The following KSR2 variants were observed in gnomAD, a reference collection of about 807,000 sequenced individuals.
KSR2 encodes the protein kinase suppressor of ras 2.
Under a neutral mutation model 107.8 loss-of-function variants are expected in KSR2, and 25 were observed. The ratio of observed to expected loss-of-function variants is 0.23; its 90% CI spans 0.17 to 0.32. The LOEUF is 0.32. KSR2 is among the 10% of genes least tolerant of loss of function. The pLI is 1.00. For synonymous variants in KSR2, 480 were observed against 507.0 expected (o/e 0.95, Z 0.71); for missense variants, 887 against 1,268.9 (o/e 0.70, Z 4.57).
intron 4 of KSR2, among the ~76,000 whole-genome samples, chr12:117,715,772 C>G (rs774526044): frequency 6.6e-6 from 1 of 152,170 alleles, no homozygotes; most frequent in African/African-American, 2.4e-5. Flanking sequence ...TACCCATCCA[C>G]CCATCCATCT....
At chr12:117,550,807 G>A (rs188899488) in intron 9 of KSR2, among the ~76,000 whole-genome samples, 178 of 148,938 alleles carry the variant, frequency 1.2e-3, no homozygotes, top group African/African-American at 4.2e-3. Flanking sequence ...CTAAGTCAGG[G>A]TCATGATGGA....
At chr12:117,558,717 G>A in intron 7 of KSR2, 144 bp from the exon 8 acceptor site, 2 of 535,904 alleles carry the variant, frequency 3.7e-6, no homozygotes, top group East Asian at 3.7e-5. Flanking sequence ...GGGATAGATG[G>A]GTGAGTAGAT....
intron 1 of KSR2, among the ~76,000 whole-genome samples, chr12:117,878,849 G>A (rs1893948143): frequency 6.6e-6 from 1 of 152,180 alleles, no homozygotes; most frequent in Non-Finnish European, 1.5e-5. Flanking sequence ...CCTCCCAACA[G>A]AGAGGCAACT....
chr12:117,499,390 T>G (rs1172993968), intron 14 of KSR2, among the ~76,000 whole-genome samples: 1 of 152,230 alleles, frequency 6.6e-6, no homozygotes. Flanking sequence ...GCATGTTCCT[T>G]TTGTAAATCG....
chr12:117,825,721 G>C (rs1241354517), intron 3 of KSR2, among the ~76,000 whole-genome samples: 1 of 152,022 alleles, frequency 6.6e-6, no homozygotes, highest in East Asian at 1.9e-4. Context: ...CAGGAGCTTT[G>C]CTCATCATTT....
chr12:117,885,093 CACA>C (rs1306198689), intron 1 of KSR2, among the ~76,000 whole-genome samples: 1 of 152,162 alleles, frequency 6.6e-6, no homozygotes, highest in Non-Finnish European at 1.5e-5. Flanking sequence ...CCGGGGGACA[CACA>C]ACAGCCCTGT....
intron 5 of KSR2, among the ~76,000 whole-genome samples, chr12:117,585,442 T>C (rs1448542681): frequency 2.0e-5 from 3 of 152,218 alleles, no homozygotes; most frequent in African/African-American, 7.2e-5. Flanking sequence ...CATTTCCCAA[T>C]ATCTGGTTGA....
intron 3 of KSR2, among the ~76,000 whole-genome samples, chr12:117,785,917 G>T (rs1316401037): frequency 6.6e-6 from 1 of 152,054 alleles, no homozygotes; most frequent in Admixed American, 6.6e-5. Context: ...AAGACATAAT[G>T]GCTGAAAATT....
At chr12:117,722,856 G>T (rs921417854) in intron 4 of KSR2, among the ~76,000 whole-genome samples, 1 of 152,178 alleles carries the variant, frequency 6.6e-6, no homozygotes, top group African/African-American at 2.4e-5. Context: ...GTAACAAGGG[G>T]ACATGGAAGT....
chr12:117,748,444 T>C (rs1888491860), intron 4 of KSR2, among the ~76,000 whole-genome samples: 1 of 152,142 alleles, frequency 6.6e-6, no homozygotes, highest in African/African-American at 2.4e-5. Context: ...AAATTTGAAA[T>C]ACTCTCATCA....
At chr12:117,467,313 T>C (rs1044664205) in intron 19 of KSR2, 108 bp from the exon 20 acceptor site, 23 of 553,850 alleles carry the variant, frequency 4.2e-5, no homozygotes, top group East Asian at 1.9e-4. Flanking sequence ...TGAGATGAAC[T>C]GTTCCTGTCT....
intron 5 of KSR2, among the ~76,000 whole-genome samples, chr12:117,631,796 C>T (rs1287846538): frequency 2.0e-5 from 3 of 152,128 alleles, no homozygotes; most frequent in Non-Finnish European, 4.4e-5. Flanking sequence ...ACAAAAAGTA[C>T]TTTTAAACCA....
At chr12:117,575,003 C>T (rs1879186417) in intron 7 of KSR2, among the ~76,000 whole-genome samples, 1 of 152,142 alleles carries the variant, frequency 6.6e-6, no homozygotes, top group East Asian at 1.9e-4. Flanking sequence ...ACTACTTTTG[C>T]AAAGTTCTCA....
chr12:117,627,461 G>A (rs1882581618), intron 5 of KSR2, among the ~76,000 whole-genome samples: 1 of 152,174 alleles, frequency 6.6e-6, no homozygotes, highest in Non-Finnish European at 1.5e-5. Flanking sequence ...CACTTATGAA[G>A]TCTAGTTTGG....
intron 5 of KSR2, among the ~76,000 whole-genome samples, chr12:117,614,580 G>A (rs988262829): frequency 1.3e-5 from 2 of 152,116 alleles, no homozygotes; most frequent in Non-Finnish European, 2.9e-5. Flanking sequence ...TGATGAATCT[G>A]GTTGAAAAAG....
At chr12:117,959,782 G>T (rs976243575) in intron 1 of KSR2, among the ~76,000 whole-genome samples, 1 of 152,012 alleles carries the variant, frequency 6.6e-6, no homozygotes, top group Middle Eastern at 3.4e-3. Context: ...TTTTTAAAAT[G>T]TAGCCAGCGA....
chr12:117,806,208 C>T (rs920424964), intron 3 of KSR2, among the ~76,000 whole-genome samples: 1 of 152,168 alleles, frequency 6.6e-6, no homozygotes, highest in Non-Finnish European at 1.5e-5. Context: ...ATTCCGGAGG[C>T]ACTTGCCCTG....
At chr12:117,690,108 G>C (rs957866257) in intron 4 of KSR2, among the ~76,000 whole-genome samples, 1 of 152,136 alleles carries the variant, frequency 6.6e-6, no homozygotes, top group South Asian at 2.1e-4. Flanking sequence ...ACAAAAACAG[G>C]CTGTGGGCCA....
chr12:117,579,934 T>G (rs1292549637), intron 6 of KSR2, among the ~76,000 whole-genome samples: 1 of 152,166 alleles, frequency 6.6e-6, no homozygotes, highest in African/African-American at 2.4e-5. Context: ...CCCTCGATAT[T>G]GCCAGGGTGC....
Sources: allele counts gnomAD v4.1 joint callset (sites outside exome capture counted in the v4.1 genomes callset), GRCh38; gene constraint gnomAD v4.1.1; transcripts MANE v1.5; gene names NCBI Gene and HGNC (gene_info 2026-07-23, HGNC 2026-07-21).